The following ETFA variants were observed in gnomAD, a reference collection of about 807,000 sequenced individuals.
The protein encoded by ETFA is electron transfer flavoprotein subunit alpha, mitochondrial.
ETFA carries 22 observed loss-of-function variants against 46.2 expected under a neutral mutation model. The observed-to-expected ratio is 0.48, with a 90% CI of 0.34 to 0.68. The LOEUF is 0.68. Ranked by LOEUF, ETFA falls within the 30% of genes least tolerant of loss-of-function variation. ETFA has a pLI of 0.01. For synonymous variants in ETFA, 131 were observed against 139.9 expected, an observed-to-expected ratio of 0.94 and a Z score of 0.45; for missense variants, 345 against 401.1, an observed-to-expected ratio of 0.86 and a Z score of 1.19.
intron 9 of ETFA, among the ~76,000 whole-genome samples, chr15:76,268,052 G>T (rs181273546): frequency 6.6e-6 from 1 of 152,190 alleles, no homozygotes; most frequent in African/African-American, 2.4e-5. Context: ...GCCTCGATTT[G>T]GTTTCTCTAT....
chr15:76,265,814 G>A (rs1329864214), intron 9 of ETFA, among the ~76,000 whole-genome samples: 3 of 152,106 alleles, frequency 2.0e-5, no homozygotes, highest in Non-Finnish European at 4.4e-5. Context: ...CTCAGGAGAA[G>A]GACTAGGAAA....
At chr15:76,286,069 A>G (rs2039702200) in intron 6 of ETFA, among the ~76,000 whole-genome samples, 1 of 152,244 alleles carries the variant, frequency 6.6e-6, no homozygotes, top group African/African-American at 2.4e-5. Flanking sequence ...TTCTTCTGTT[A>G]TACTGAATCA....
chr15:76,260,849 C>T, intron 9 of ETFA: 1 of 1,611,720 alleles, frequency 6.2e-7, no homozygotes, highest in South Asian at 1.1e-5. Flanking sequence ...GCACCAGGTC[C>T]CGGAGCAGGC....
intron 9 of ETFA, among the ~76,000 whole-genome samples, chr15:76,273,374 T>G (rs1482944561): frequency 1.3e-5 from 2 of 151,920 alleles, no homozygotes; most frequent in African/African-American, 4.8e-5. Context: ...GCCAAGATGA[T>G]GAAACCCCAT....
Position 76,311,420 on chromosome 15 carries a change from C to G in ETFA, c.-32G>C. On this transcript the variant is annotated 5_prime_UTR_variant, in exon 1 of 12. Transcript: ENST00000557943. Reference sequence around the variant, plus strand: ...CGCTTCCGCCGCAACCTCGGCCTTACAGCAGCCCCGTGCCCGGCCAACTGG... The same window carrying G: ...CGCTTCCGCCGCAACCTCGGCCTTAGAGCAGCCCCGTGCCCGGCCAACTGG... 2 of 1,550,192 alleles carry G rather than the reference C, an allele frequency of 1.3e-6. No homozygotes were observed. Among genetic ancestry groups the G allele is most frequent in the Admixed American group, 1.9e-5 (1 of 51,438 alleles).
chr15:76,257,191 C>T (rs2469546), intron 9 of ETFA, among the ~76,000 whole-genome samples: 149,001 of 152,248 alleles, frequency 0.98, 72,992 homozygotes, highest in South Asian at 1. Context: ...AAGGCTGGGG[C>T]CCAGGTTCCA....
At chr15:76,244,654 G>T (rs1407549766) in intron 9 of ETFA, among the ~76,000 whole-genome samples, 1 of 140,340 alleles carries the variant, frequency 7.1e-6, no homozygotes, top group African/African-American at 2.6e-5. Flanking sequence ...AAATACATTG[G>T]TTTTTATAGG....
chr15:76,216,695 C>A (rs934748062), intron 11 of ETFA, 98 bp from the exon 12 acceptor site: 3 of 833,750 alleles, frequency 3.6e-6, no homozygotes, highest in Non-Finnish European at 4.2e-6. Flanking sequence ...AGAAACAACA[C>A]AAATCACTGT....
intron 10 of ETFA, among the ~76,000 whole-genome samples, chr15:76,229,474 G>T (rs1221785260): frequency 6.6e-6 from 1 of 152,188 alleles, no homozygotes; most frequent in African/African-American, 2.4e-5. Context: ...TGTTGGCATG[G>T]GGTGAGAATT....
intron 9 of ETFA, among the ~76,000 whole-genome samples, chr15:76,258,170 T>TAATAAATAAATA (rs10688626): frequency 2.1e-3 from 318 of 151,110 alleles, no homozygotes; most frequent in African/African-American, 7.5e-3. Flanking sequence ...TAAAGTATAA[T>TAATAAATAAATA]AATAAATAAA....
intron 2 of ETFA, among the ~76,000 whole-genome samples, chr15:76,295,133 C>T (rs1247429387): frequency 6.6e-6 from 1 of 152,192 alleles, no homozygotes; most frequent in Non-Finnish European, 1.5e-5. Flanking sequence ...CAAACAAACC[C>T]AAGAACATCT....
intron 1 of ETFA, among the ~76,000 whole-genome samples, chr15:76,300,356 C>T (rs2039867123): frequency 1.3e-5 from 2 of 152,112 alleles, no homozygotes; most frequent in African/African-American, 4.8e-5. Context: ...ACTGCTACTT[C>T]TCCAGACTTC....
intron 8 of ETFA, among the ~76,000 whole-genome samples, chr15:76,278,362 T>C (rs2039617218): frequency 6.6e-6 from 1 of 152,228 alleles, no homozygotes; most frequent in African/African-American, 2.4e-5. Flanking sequence ...TGTCCTCTTG[T>C]TTTTGCCCAC....
chr15:76,274,895 T>C (rs2039577071), intron 8 of ETFA, among the ~76,000 whole-genome samples: 2 of 152,146 alleles, frequency 1.3e-5, no homozygotes, highest in African/African-American at 2.4e-5. Flanking sequence ...AATTCACAAA[T>C]AAAATTTAAC....
At chr15:76,266,457 T>C (rs1159523425) in intron 9 of ETFA, among the ~76,000 whole-genome samples, 2 of 152,222 alleles carry the variant, frequency 1.3e-5, no homozygotes, top group Non-Finnish European at 2.9e-5. Context: ...TGATATTTTG[T>C]GTGCAGCTGA....
chr15:76,274,944 C>A (rs1361887797), intron 8 of ETFA, among the ~76,000 whole-genome samples: 2 of 152,142 alleles, frequency 1.3e-5, no homozygotes, highest in East Asian at 3.9e-4. Flanking sequence ...CAACAATGAG[C>A]CCTATACTTG....
intron 9 of ETFA, among the ~76,000 whole-genome samples, chr15:76,258,461 C>T (rs1414061727): frequency 6.6e-6 from 1 of 152,138 alleles, no homozygotes; most frequent in Non-Finnish European, 1.5e-5. Context: ...AAGATTCAGA[C>T]CTGAGATACC....
intron 4 of ETFA, among the ~76,000 whole-genome samples, chr15:76,291,016 G>T (rs2039755865): frequency 6.6e-6 from 1 of 152,146 alleles, no homozygotes; most frequent in East Asian, 1.9e-4. Flanking sequence ...AGGAGTTTAA[G>T]ACAAGCCCGC....
chr15:76,295,868 T>A, intron 1 of ETFA, 131 bp from the exon 2 acceptor site: 4 of 559,122 alleles, frequency 7.2e-6, no homozygotes, highest in Non-Finnish European at 8.9e-6. Context: ...TCTATAAATT[T>A]ATTTATAAAA....
Sources: gnomAD v4.1 joint callset for allele counts (sites outside exome capture counted in the v4.1 genomes callset) on GRCh38, gnomAD v4.1.1 for gene constraint, MANE v1.5 for transcripts, NCBI Gene and HGNC (gene_info 2026-07-23, HGNC 2026-07-21) for gene names.